KIAA1328: variants seen among roughly 807,000 people sequenced by gnomAD.
KIAA1328 encodes KIAA1328.
In KIAA1328, 52 loss-of-function variants were observed where a neutral mutation model predicts 68.1. The ratio of observed to expected loss-of-function variants is 0.76; its 90% CI spans 0.61 to 0.96. The LOEUF (loss-of-function observed/expected upper bound fraction) is 0.96, where lower values mean the gene tolerates loss of function less well. KIAA1328 is among the 40% of genes least tolerant of loss of function. The pLI is 0.00. For synonymous variants in KIAA1328, 232 were observed against 239.4 expected (o/e 0.97, Z 0.28); for missense variants, 641 against 677.6 (o/e 0.95, Z 0.60).
intron 6 of KIAA1328, among the ~76,000 whole-genome samples, chr18:37,063,024 TG>T (rs1438441263): frequency 6.8e-6 from 1 of 147,854 alleles, no homozygotes; most frequent in Non-Finnish European, 1.5e-5. Flanking sequence ...AAAGTTCAGC[TG>T]GGCTGCATTC....
chr18:37,174,625 G>A (rs1281861389), intron 9 of KIAA1328, among the ~76,000 whole-genome samples: 11 of 148,218 alleles, frequency 7.4e-5, no homozygotes, highest in South Asian at 2.2e-4. Context: ...ACAGAGTCTC[G>A]CTCTGTCACC....
intron 9 of KIAA1328, among the ~76,000 whole-genome samples, chr18:37,218,565 T>C (rs1323095267): frequency 1.3e-5 from 2 of 152,234 alleles, no homozygotes; most frequent in Non-Finnish European, 2.9e-5. Context: ...ATTCATTTGA[T>C]CTTCAGTCAC....
intron 8 of KIAA1328, among the ~76,000 whole-genome samples, chr18:37,172,737 A>T (rs929751461): frequency 6.6e-6 from 1 of 152,172 alleles, no homozygotes; most frequent in African/African-American, 2.4e-5. Flanking sequence ...GTTTAAAAAC[A>T]AAATCTCTAG....
intron 7 of KIAA1328, among the ~76,000 whole-genome samples, chr18:37,129,039 G>T (rs1439555080): frequency 6.6e-6 from 1 of 152,106 alleles, no homozygotes; most frequent in East Asian, 1.9e-4. Flanking sequence ...GGACCTAAGG[G>T]CACTTTTGAG....
intron 3 of KIAA1328, among the ~76,000 whole-genome samples, chr18:36,836,753 T>G (rs908113749): frequency 2.6e-5 from 4 of 152,108 alleles, no homozygotes; most frequent in Admixed American, 2.6e-4. Flanking sequence ...TTTTTATCAC[T>G]CTAGAAAGAA....
intron 5 of KIAA1328, among the ~76,000 whole-genome samples, chr18:36,942,043 T>C (rs1454905807): frequency 6.6e-6 from 1 of 152,224 alleles, no homozygotes; most frequent in Non-Finnish European, 1.5e-5. Flanking sequence ...AGTATGCTTG[T>C]GGAAGTTAAT....
intron 6 of KIAA1328, among the ~76,000 whole-genome samples, chr18:37,024,813 T>C (rs2054501286): frequency 6.6e-6 from 1 of 152,220 alleles, no homozygotes; most frequent in Non-Finnish European, 1.5e-5. Flanking sequence ...GTCTTTGCTA[T>C]TGTGAATAGT....
intron 6 of KIAA1328, among the ~76,000 whole-genome samples, chr18:37,051,127 A>G (rs1217675813): frequency 6.6e-6 from 1 of 152,188 alleles, no homozygotes; most frequent in African/African-American, 2.4e-5. Flanking sequence ...CGTCATTTTT[A>G]TAGCAACTCA....
chr18:37,114,172 A>G (rs1344826318), intron 7 of KIAA1328, among the ~76,000 whole-genome samples: 1 of 152,230 alleles, frequency 6.6e-6, no homozygotes, highest in Non-Finnish European at 1.5e-5. Context: ...ATAGACATCT[A>G]CAGAACTCTC....
intron 4 of KIAA1328, among the ~76,000 whole-genome samples, chr18:36,871,662 G>A (rs1262063987): frequency 6.6e-6 from 1 of 152,022 alleles, no homozygotes; most frequent in Non-Finnish European, 1.5e-5. Flanking sequence ...AAAGAACATT[G>A]CTGCCAGTAT....
intron 9 of KIAA1328, among the ~76,000 whole-genome samples, chr18:37,203,434 C>T (rs1005884021): frequency 7.2e-5 from 11 of 152,044 alleles, no homozygotes; most frequent in African/African-American, 2.7e-4. Context: ...AAAAAATCCT[C>T]GTCTTTCTTA....
At chr18:37,153,538 A>G (rs1283376954) in intron 7 of KIAA1328, among the ~76,000 whole-genome samples, 1 of 150,712 alleles carries the variant, frequency 6.6e-6, no homozygotes, top group Admixed American at 6.6e-5. Context: ...ATATATACCT[A>G]TATATAGAAA....
At chr18:36,860,322 T>C (rs1042495796) in intron 4 of KIAA1328, among the ~76,000 whole-genome samples, 2 of 152,190 alleles carry the variant, frequency 1.3e-5, no homozygotes, top group Non-Finnish European at 1.5e-5. Flanking sequence ...ATTTACTTAG[T>C]GATTTTTTTA....
intron 9 of KIAA1328, chr18:37,193,799 A>C: frequency 1.7e-6 from 1 of 595,570 alleles, no homozygotes; most frequent in Non-Finnish European, 3.0e-6. Context: ...CATAGGGTAT[A>C]TTTTCTGAAA....
At chr18:37,029,076 T>G (rs2054714218) in intron 6 of KIAA1328, among the ~76,000 whole-genome samples, 1 of 152,172 alleles carries the variant, frequency 6.6e-6, no homozygotes, top group Admixed American at 6.5e-5. Context: ...TTTTTTGGAA[T>G]AGTTTCAGTA....
At chr18:36,933,390 C>G (rs1163008413) in intron 5 of KIAA1328, among the ~76,000 whole-genome samples, 3 of 152,132 alleles carry the variant, frequency 2.0e-5, no homozygotes, top group Non-Finnish European at 4.4e-5. Flanking sequence ...GTGCTGTGCT[C>G]AAGTTTCCTT....
chr18:37,166,185 G>C (rs1371847098), intron 8 of KIAA1328, among the ~76,000 whole-genome samples: 2 of 151,924 alleles, frequency 1.3e-5, no homozygotes, highest in African/African-American at 4.8e-5. Context: ...GAAAAATCTT[G>C]CAAAAACTGT....
chr18:36,880,365 C>T (rs1156486357), intron 4 of KIAA1328, among the ~76,000 whole-genome samples: 1 of 152,134 alleles, frequency 6.6e-6, no homozygotes, highest in Admixed American at 6.5e-5. Context: ...TCTAACCAGT[C>T]CCAGTGAGAT....
chr18:37,117,887 A>AAAT (rs1556890835), intron 7 of KIAA1328, among the ~76,000 whole-genome samples: 1 of 147,476 alleles, frequency 6.8e-6, no homozygotes, highest in African/African-American at 2.5e-5. Context: ...AAAAAAAAAA[A>AAAT]ATATATATAT....
Sources: gnomAD v4.1 joint callset for allele counts (sites outside exome capture counted in the v4.1 genomes callset) on GRCh38, gnomAD v4.1.1 for gene constraint, MANE v1.5 for transcripts, NCBI Gene and HGNC (gene_info 2026-07-23, HGNC 2026-07-21) for gene names.